HSBP1: variants seen among roughly 807,000 people sequenced by gnomAD.
The protein encoded by HSBP1 is heat shock factor-binding protein 1.
A neutral mutation model predicts 9.6 loss-of-function variants in HSBP1; 5 were observed. The ratio of observed to expected loss-of-function variants is 0.52; its 90% confidence interval spans 0.27 to 1.09. The LOEUF is 1.09. Ranked by LOEUF, HSBP1 falls within the 50% of genes least tolerant of loss-of-function variation. The pLI is 0.11. For synonymous variants in HSBP1, 42 were observed against 33.3 expected (o/e 1.26, Z -0.90); for missense variants, 121 against 96.3 (o/e 1.26, Z -1.07).
chr16:83,813,063 A>G lies in HSBP1; in HGVS notation c.*1645A>G, dbSNP rs546723123. 6.6e-6 allele frequency: 1 copy of G among 152,268 alleles called. No individual in the cohort carries two copies. The highest frequency in any genetic ancestry group is 1.5e-5 in the Non-Finnish European group (1 of 68,062). 9.4% of individuals were successfully genotyped at this position (152,268 alleles called of 1,614,324 possible). A position where few individuals can be genotyped will look rare whatever the true frequency, so the allele number is the denominator to read the frequency against. ...AATGCAGAAATCACATTAGAGTATC[A>G]ACTAAAACCTCTGGACGGATTAAGT... On this transcript the variant is annotated 3_prime_UTR_variant, in exon 4 of 4. Transcript: ENST00000433866.
rs1271616941 is a variant in HSBP1 at position 83,809,326 on chromosome 16, T to C, written c.134T>C (p.Ile45Thr). ...GCACTTGATGATATGAGTAGTCGCA[T>C]TGATGATCTGGAAAAGAATATCGCG... is the stretch of plus-strand genomic sequence containing the variant. ...IGRIDDMSSR[I>T]DDLEKNIADL... The change falls in exon 3 of 4, where the codon ATT (isoleucine) becomes ACT (threonine). Residue 45 changes from isoleucine (I) to threonine (T), a missense_variant. By Grantham distance (89) the Ile-to-Thr change is moderately conservative. Coordinates refer to ENST00000433866, the MANE Select transcript of HSBP1 (RefSeq NM_001537.4). 2 of 1,598,208 alleles carry C rather than the reference T, an allele frequency of 1.3e-6. No homozygotes were observed. The highest frequency in any genetic ancestry group is 1.7e-6 in the Non-Finnish European group (2 of 1,171,802).
Position 83,819,145 on chromosome 16 carries a change from T to A in HSBP1, c.*7727T>A, listed in dbSNP as rs1441061651. 2.0e-5 allele frequency: 3 copies of A among 151,946 alleles called. No homozygotes were observed. The highest frequency in any genetic ancestry group is 4.4e-5 in the Non-Finnish European group (3 of 67,958). 9.4% of individuals were successfully genotyped at this position (151,946 alleles called of 1,614,324 possible). On this transcript the variant is annotated 3_prime_UTR_variant, in exon 4 of 4. Transcript: ENST00000433866. ...ACCCTTTAGTCTAATGGCTTTAGGG[T>A]CAAATATGTCTAAACCAAGAAGCCC...
intron 1 of HSBP1, 30 bp downstream of exon 1, chr16:83,808,151 G>A (rs780345323): frequency 3.7e-5 from 57 of 1,537,360 alleles, no homozygotes; most frequent in Non-Finnish European, 4.7e-5. Context: ...GCCGGAGGCC[G>A]CGGCCTTCCC....
In HSBP1 at chr16:83,808,135, G is replaced by A. The variant is rs1190623697; in HGVS notation, c.45+14G>A. 2.6e-6 allele frequency: 4 copies of A among 1,543,658 alleles called. No individual in the cohort carries two copies. Among genetic ancestry groups the A allele is most frequent in the South Asian group, 1.2e-5 (1 of 83,928 alleles). On this transcript the variant is annotated intron_variant, in intron 1 of 3. Coordinates refer to ENST00000433866, the MANE Select transcript of HSBP1 (RefSeq NM_001537.4). ...CTCACCTCGGTGGTAAGGGACGGCT[G>A]TGAGGGCCGGAGGCCGCGGCCTTCC...
chr16:83,808,973 G>T, intron 2 of HSBP1: 3 of 576,172 alleles, frequency 5.2e-6, no homozygotes, highest in Non-Finnish European at 9.3e-6. Context: ...AATAGCTGGT[G>T]TGGTGGACCA....
intron 2 of HSBP1, 55 bp from the exon 3 acceptor site, chr16:83,809,250 C>A: frequency 3.6e-6 from 4 of 1,111,338 alleles, no homozygotes; most frequent in Non-Finnish European, 4.0e-6. Context: ...TCTGCAGGGA[C>A]GGGAGGAAAA....
intron 2 of HSBP1, 132 bp downstream of exon 2, chr16:83,808,878 T>A (rs536687397): frequency 2.9e-6 from 2 of 701,542 alleles, no homozygotes; most frequent in East Asian, 5.5e-5. Flanking sequence ...TGGATTGTAC[T>A]GTGTTTCTGA....
rs561930892 is a variant in HSBP1, at chr16:83,813,278, C to A, written c.*1860C>A. ...GGGGTTATGGTCACTTGGGTTTAGA[C>A]GACATTCTGTGAACCTCATGAAGAA... On this transcript the variant is annotated 3_prime_UTR_variant, in exon 4 of 4. Coordinates refer to ENST00000433866, the MANE Select transcript of HSBP1 (RefSeq NM_001537.4). The A allele has an allele frequency of 6.6e-6, 1 of 152,250 alleles. No homozygotes were observed. The highest frequency in any genetic ancestry group is 2.4e-5 in the African/African-American group (1 of 41,444). The allele number at this position is 152,250 out of a possible 1,614,324, so 9.4% of individuals were successfully genotyped here.
rs1904650994 is a variant in HSBP1, at chr16:83,813,574, C to T, written c.*2156C>T. 1 of 152,492 alleles carries T rather than the reference C, an allele frequency of 6.6e-6. No homozygotes were observed. Among genetic ancestry groups the T allele is most frequent in the African/African-American group, 2.4e-5 (1 of 41,460 alleles). The allele number at this position is 152,492 out of a possible 1,614,324, so 9.4% of individuals were successfully genotyped here. Reference sequence around the variant, plus strand: ...TAGGCTCAAGCAGTCCTGTCTCAGCCTCCCAAAGTGCTGGGATTACAGGCT... The same window carrying T: ...TAGGCTCAAGCAGTCCTGTCTCAGCTTCCCAAAGTGCTGGGATTACAGGCT... On this transcript the variant is annotated 3_prime_UTR_variant, in exon 4 of 4. Coordinates refer to ENST00000433866, the MANE Select transcript of HSBP1 (RefSeq NM_001537.4).
In HSBP1 at chr16:83,815,952, T is replaced by G. The variant is rs1346619732; in HGVS notation, c.*4534T>G. Reference sequence around the variant, plus strand: ...ATTGCTTCCCAATAATTAAGAATAGTCTGGATTCAGGATCCAGCAGCTTAG... The same window carrying G: ...ATTGCTTCCCAATAATTAAGAATAGGCTGGATTCAGGATCCAGCAGCTTAG... On this transcript the variant is annotated 3_prime_UTR_variant, in exon 4 of 4. Transcript: ENST00000433866. 1 of 152,196 alleles carries G rather than the reference T, an allele frequency of 6.6e-6. No individual in the cohort carries two copies. The highest frequency in any genetic ancestry group is 1.5e-5 in the Non-Finnish European group (1 of 68,030). 9.4% of individuals were successfully genotyped at this position (152,196 alleles called of 1,614,324 possible).
At chr16:83,808,416 C>A in intron 1 of HSBP1, 2 of 568,856 alleles carry the variant, frequency 3.5e-6, no homozygotes, top group Non-Finnish European at 6.2e-6. Flanking sequence ...CCCTTCAACT[C>A]CTCACACACC....
chr16:83,817,838 A>T lies in HSBP1; in HGVS notation c.*6420A>T, dbSNP rs878934861. The T allele has an allele frequency of 6.6e-6, 1 of 152,192 alleles. No individual in the cohort carries two copies. Among genetic ancestry groups the T allele is most frequent in the Non-Finnish European group, 1.5e-5 (1 of 68,028 alleles). The allele number at this position is 152,192 out of a possible 1,614,324, so 9.4% of individuals were successfully genotyped here. On this transcript the variant is annotated 3_prime_UTR_variant, in exon 4 of 4. Transcript: ENST00000433866. ...TTGACTGATTCTGCTCCAGAATCTT[A>T]TTGAGGCAAAGGACTGGACCGAATT...
rs1904680022 is a variant in HSBP1, at chr16:83,814,726, TTAAAC to T, written c.*3311_*3315del. 6.6e-6 allele frequency: 1 copy of T among 152,238 alleles called. No homozygotes were observed. Among genetic ancestry groups the T allele is most frequent in the African/African-American group, 2.4e-5 (1 of 41,448 alleles). The allele number at this position is 152,238 out of a possible 1,614,324, so 9.4% of individuals were successfully genotyped here. ...CTGGATGTGAGTTTTTATTTGGAAT[TTAAAC>T]TATTCAGAGCTGGTAGAAAATGTGT... On this transcript the variant is annotated 3_prime_UTR_variant, in exon 4 of 4. Transcript: ENST00000433866.
chr16:83,813,990 C>G lies in HSBP1; in HGVS notation c.*2572C>G, dbSNP rs1476672962. The stretch of plus-strand genomic sequence containing the variant: ...CCTTGTGAGTCCTTGGAATTTAAGC[C>G]CCACACACACACACTTAGAGCACTG... On this transcript the variant is annotated 3_prime_UTR_variant, in exon 4 of 4. Coordinates refer to ENST00000433866, the MANE Select transcript of HSBP1 (RefSeq NM_001537.4). 6.6e-6 allele frequency: 1 copy of G among 151,996 alleles called. No individual in the cohort carries two copies. Among genetic ancestry groups the G allele is most frequent in the Non-Finnish European group, 1.5e-5 (1 of 68,030 alleles). 9.4% of individuals were successfully genotyped at this position (151,996 alleles called of 1,614,324 possible). A position where few individuals can be genotyped will look rare whatever the true frequency, so the allele number is the denominator to read the frequency against.
At position 83,815,730 on chromosome 16, in the gene HSBP1, A is replaced by G. The variant is rs766730384; in HGVS notation, c.*4312A>G. Reference sequence around the variant, plus strand: ...TTACCAAAGCATATGTAGACACCACATACATGAACTACATACCTATCGTGT... The same window carrying G: ...TTACCAAAGCATATGTAGACACCACGTACATGAACTACATACCTATCGTGT... On this transcript the variant is annotated 3_prime_UTR_variant, in exon 4 of 4. Coordinates refer to ENST00000433866, the MANE Select transcript of HSBP1 (RefSeq NM_001537.4). 6.6e-6 allele frequency: 1 copy of G among 152,220 alleles called. No individual in the cohort carries two copies. The highest frequency in any genetic ancestry group is 1.5e-5 in the Non-Finnish European group (1 of 68,034). 9.4% of individuals were successfully genotyped at this position (152,220 alleles called of 1,614,324 possible).
At chr16:83,809,225 T>G in intron 2 of HSBP1, 80 bp from the exon 3 acceptor site, 1 of 845,238 alleles carries the variant, frequency 1.2e-6, no homozygotes, top group Non-Finnish European at 1.9e-6. Flanking sequence ...AAAGTCGTTG[T>G]GTTTAAGGCT....
chr16:83,813,842 G>C lies in HSBP1; in HGVS notation c.*2424G>C, dbSNP rs928278599. 3.3e-5 allele frequency: 5 copies of C among 151,978 alleles called. No individual in the cohort carries two copies. Among genetic ancestry groups the C allele is most frequent in the African/African-American group, 1.2e-4 (5 of 41,380 alleles). 9.4% of individuals were successfully genotyped at this position (151,978 alleles called of 1,614,324 possible). A position where few individuals can be genotyped will look rare whatever the true frequency, so the allele number is the denominator to read the frequency against. ...TCATCCTGCTTTCCTTTGAGCCACA[G>C]GATTTTAAAATATTTCAATCTTATT... On this transcript the variant is annotated 3_prime_UTR_variant, in exon 4 of 4. Coordinates refer to ENST00000433866, the MANE Select transcript of HSBP1 (RefSeq NM_001537.4).
chr16:83,813,763 A>C lies in HSBP1; in HGVS notation c.*2345A>C, dbSNP rs1376484720. ...AAGGAAAACAGCGTTACATTTAATT[A>C]AGTGCCCTGTCTCAAACCCCAAGGC... On this transcript the variant is annotated 3_prime_UTR_variant, in exon 4 of 4. Transcript: ENST00000433866. 4 of 152,204 alleles carry C rather than the reference A, an allele frequency of 2.6e-5. No individual in the cohort carries two copies. The highest frequency in any genetic ancestry group is 9.7e-5 in the African/African-American group (4 of 41,432). 9.4% of individuals were successfully genotyped at this position (152,204 alleles called of 1,614,324 possible).
chr16:83,808,324 AG>A (rs1904510384), intron 1 of HSBP1: 2 of 561,716 alleles, frequency 3.6e-6, no homozygotes. Context: ...GGCGCCCCCA[AG>A]CCCGACCCCT....
Sources: allele counts gnomAD v4.1 joint callset, GRCh38; gene constraint gnomAD v4.1.1; transcripts MANE v1.5; gene names NCBI Gene and HGNC (gene_info 2026-07-23, HGNC 2026-07-21).